The following ATP1A3 variants were observed in gnomAD, a reference collection of about 807,000 sequenced individuals.
ATP1A3 encodes the protein ATPase Na+/K+ transporting subunit alpha 3.
A neutral mutation model predicts 108.8 loss-of-function variants in ATP1A3; 12 were observed. The ratio of observed to expected loss-of-function variants is 0.11; its 90% CI spans 0.07 to 0.18. ATP1A3 has a LOEUF of 0.18. ATP1A3 is among the 10% of genes least tolerant of loss of function. The pLI is 1.00. For missense variants in ATP1A3, 498 were observed against 1,387.7 expected (o/e 0.36, Z 10.19); for synonymous variants, 539 against 564.5 (o/e 0.95, Z 0.64).
chr19:41,991,271 C>A (rs1599728751), intron 1 of ATP1A3, among the ~76,000 whole-genome samples: 1 of 152,140 alleles, frequency 6.6e-6, no homozygotes, highest in African/African-American at 2.4e-5. Context: ...GCTGTCTGCC[C>A]CCAGACCCAG....
At chr19:41,969,055 G>C in intron 19 of ATP1A3, 140 bp from the exon 20 acceptor site, 1 of 1,301,118 alleles carries the variant, frequency 7.7e-7, no homozygotes, top group Non-Finnish European at 1.1e-6. Context: ...TCCTTCTGCG[G>C]GCTCATAGTC....
intron 11 of ATP1A3, among the ~76,000 whole-genome samples, chr19:41,979,843 G>A (rs1258363027): frequency 1.3e-5 from 2 of 152,226 alleles, no homozygotes; most frequent in Admixed American, 6.5e-5. Flanking sequence ...ACGAGCTATG[G>A]TATGTTAATT....
Position 41,976,521 on chromosome 19 carries a change from G to A in ATP1A3, c.1989C>T (p.Phe663=), listed in dbSNP as rs2075172667. 1.9e-6 allele frequency: 3 copies of A among 1,614,100 alleles called. No individual in the cohort carries two copies. The highest frequency in any genetic ancestry group is 2.5e-6 in the Non-Finnish European group (3 of 1,180,054). ...GGATCTCGTCGATTTGCTCGGAGGT[G>A]AAGTCCTTGAGGTCGGTGCCGTGGA... ...CVIHGTDLKD[F]TSEQIDEILQ... is the part of the protein sequence containing the mutation. The change falls in exon 15 of 23, where the codon TTC becomes TTT. Residue 663 remains phenylalanine, a synonymous_variant. Coordinates refer to ENST00000648268, the MANE Select transcript of ATP1A3 (RefSeq NM_152296.5).
intron 8 of ATP1A3, among the ~76,000 whole-genome samples, chr19:41,982,453 C>T (rs138833180): frequency 6.6e-6 from 1 of 152,190 alleles, no homozygotes; most frequent in Admixed American, 6.5e-5. Context: ...TGGTGAAACC[C>T]CATCCCTACT....
intron 16 of ATP1A3, among the ~76,000 whole-genome samples, chr19:41,973,966 C>T (rs2075139730): frequency 6.6e-6 from 1 of 152,158 alleles, no homozygotes. Flanking sequence ...CGAGGTGGCT[C>T]ACCCCTGCAA....
In ATP1A3 at chr19:41,968,365, C is replaced by T. The variant is rs187806405; in HGVS notation, c.2819+420G>A. ...TCTACTAAAAATACGAAAAATTAGC[C>T]GAGCCTGGTGGTGCGTACCTGTAAT... On this transcript the variant is annotated intron_variant, in intron 20 of 22. Coordinates refer to ENST00000648268, the MANE Select transcript of ATP1A3 (RefSeq NM_152296.5). The surrounding 1 kb of genome is among the most constrained non-coding windows in gnomAD (Gnocchi z 5.0). Among the ~76,000 whole-genome samples, 88 of 152,048 alleles carry T rather than the reference C, an allele frequency of 5.8e-4. No homozygotes were observed. The highest frequency in any genetic ancestry group is 1.8e-3 in the African/African-American group (73 of 41,470).
chr19:41,978,631 G>C lies in ATP1A3; in HGVS notation c.1605C>G (p.Leu535=). ...CAAGCACGCGCTCGCCCAGGCCACC[G>C]AGCTCAAGGTAGGCATTCTGGAAGG... ...KEAFQNAYLE[L]GGLGERVLGF... The change falls in exon 12 of 23, where the codon CTC becomes CTG. Residue 535 remains leucine, a synonymous_variant. Coordinates refer to ENST00000648268, the MANE Select transcript of ATP1A3 (RefSeq NM_152296.5). The surrounding 1 kb of genome is among the most constrained non-coding windows in gnomAD (Gnocchi z 8.3). 6.2e-7 allele frequency: 1 copy of C among 1,613,918 alleles called. No individual in the cohort carries two copies. The highest frequency in any genetic ancestry group is 8.5e-7 in the Non-Finnish European group (1 of 1,179,992).
rs1555858825 is a variant in ATP1A3, at chr19:41,967,255, G to A, written c.3007C>T (p.Pro1003Ser). The change falls in exon 22 of 23, where the codon CCA (proline) becomes TCA (serine). Residue 1003 changes from proline to serine, a missense_variant. Pro to Ser is a moderately conservative substitution (Grantham distance 74). Transcript: ENST00000648268. The surrounding 1 kb of genome is among the most constrained non-coding windows in gnomAD (Gnocchi z 4.2). The stretch of plus-strand genomic sequence containing the variant: ...CCTTGCCGAGCTCCCTCACCCCCTG[G>A]GTTCCTGCGCAGGATGAGTTTGCGG... ...EIRKLILRRN[P>S]GGWVEKETYY is the part of the protein sequence containing the mutation. The A allele has an allele frequency of 1.2e-6, 2 of 1,614,058 alleles. No individual in the cohort carries two copies. The highest frequency in any genetic ancestry group is 1.7e-5 in the Admixed American group (1 of 60,024).
intron 1 of ATP1A3, chr19:41,993,340 C>T: frequency 1.3e-6 from 2 of 1,510,402 alleles, no homozygotes; most frequent in East Asian, 4.9e-5. Flanking sequence ...ATGCACGCTC[C>T]CCACTACACA....
chr19:41,993,916 G>T, intron 1 of ATP1A3, 155 bp downstream of exon 1: 2 of 1,408,730 alleles, frequency 1.4e-6, no homozygotes, highest in South Asian at 2.6e-5. Flanking sequence ...GCGGCCCCAC[G>T]ACCACATGGA....
At chr19:41,984,792 C>A in intron 8 of ATP1A3, 126 bp downstream of exon 8, 1 of 1,135,842 alleles carries the variant, frequency 8.8e-7, no homozygotes, top group Non-Finnish European at 1.2e-6. Flanking sequence ...CCCAGACACA[C>A]GGGTCCAGGC....
intron 4 of ATP1A3, among the ~76,000 whole-genome samples, chr19:41,987,255 A>G (rs1388885323): frequency 6.6e-6 from 1 of 152,102 alleles, no homozygotes; most frequent in Admixed American, 6.5e-5. Flanking sequence ...AGATTTGAAC[A>G]TCTGAGGACA....
chr19:41,986,018 T>A lies in ATP1A3; in HGVS notation c.472-20A>T, dbSNP rs1555865286. 6.2e-7 allele frequency: 1 copy of A among 1,614,082 alleles called. No homozygotes were observed. The highest frequency in any genetic ancestry group is 2.2e-5 in the East Asian group (1 of 44,870). ...GGCTTGCTGAGGTGGGATGGAGTAA[T>A]GTCACCTCCCAGACTCCCTCTGCCT... On this transcript the variant is annotated intron_variant, in intron 5 of 22. Coordinates refer to ENST00000648268, the MANE Select transcript of ATP1A3 (RefSeq NM_152296.5).
At chr19:41,975,987 AC>A (rs1212074267) in intron 15 of ATP1A3, among the ~76,000 whole-genome samples, 190 bp from the exon 16 acceptor site, 1 of 127,748 alleles carries the variant, frequency 7.8e-6, no homozygotes, top group Non-Finnish European at 1.7e-5. Flanking sequence ...AGGGGTCCAG[AC>A]CCCCAGACCC....
At chr19:41,992,351 T>A (rs1411766746) in intron 1 of ATP1A3, among the ~76,000 whole-genome samples, 1 of 152,028 alleles carries the variant, frequency 6.6e-6, no homozygotes, top group Non-Finnish European at 1.5e-5. Context: ...CGCTGCGGGG[T>A]GGGAGCACCT....
At position 41,985,534 on chromosome 19, in the gene ATP1A3, G is replaced by A. The variant is rs1042837662; in HGVS notation, c.607-111C>T. 3.8e-5 allele frequency: 43 copies of A among 1,129,038 alleles called. No individual in the cohort carries two copies. The highest frequency in any genetic ancestry group is 4.8e-5 in the Non-Finnish European group (36 of 751,690). The allele number at this position is 1,129,038 out of a possible 1,614,324, so 69.9% of individuals were successfully genotyped here. ...GTGTGCCTGGAGATCACAGCTAGAAGCCTGGGTGCCCAGTGGGTGAGTGGT... is the reference window on the plus strand; with the variant it reads ...GTGTGCCTGGAGATCACAGCTAGAAACCTGGGTGCCCAGTGGGTGAGTGGT... On this transcript the variant is annotated intron_variant, in intron 6 of 22. Transcript: ENST00000648268. The surrounding 1 kb of genome is among the most constrained non-coding windows in gnomAD (Gnocchi z 8.2).
intron 19 of ATP1A3, among the ~76,000 whole-genome samples, 177 bp downstream of exon 19, chr19:41,969,258 C>T (rs1029940825): frequency 2.0e-5 from 3 of 152,130 alleles, no homozygotes; most frequent in South Asian, 2.1e-4. Flanking sequence ...CAGTGGGACA[C>T]AAGGCTCCAG....
At position 41,994,086 on chromosome 19, in the gene ATP1A3, T is replaced by C; in HGVS notation, c.-10A>G. The C allele has an allele frequency of 1.3e-6, 2 of 1,595,624 alleles. No homozygotes were observed. The highest frequency in any genetic ancestry group is 1.4e-5 in the African/African-American group (1 of 72,682). ...CAGCACCTACCCCCATCTTGGCGGC[T>C]CCGCGGCGAGAGAGCCAGGCGGGCG... is the stretch of plus-strand genomic sequence containing the variant. On this transcript the variant is annotated 5_prime_UTR_variant, in exon 1 of 23. Transcript: ENST00000648268.
chr19:41,987,920 G>C lies in ATP1A3; in HGVS notation c.357+16C>G. On this transcript the variant is annotated intron_variant, in intron 4 of 22. Coordinates refer to ENST00000648268, the MANE Select transcript of ATP1A3 (RefSeq NM_152296.5). Reference sequence around the variant, plus strand: ...AATGTGCAGAGCCTTGCACAGGGCAGGGTCCAGGCACTCACGTTGTCACCA... The same window carrying C: ...AATGTGCAGAGCCTTGCACAGGGCACGGTCCAGGCACTCACGTTGTCACCA... 9 of 1,612,676 alleles carry C rather than the reference G, an allele frequency of 5.6e-6. No homozygotes were observed. Among genetic ancestry groups the C allele is most frequent in the Non-Finnish European group, 7.6e-6 (9 of 1,179,822 alleles).
Sources: allele counts gnomAD v4.1 joint callset (sites outside exome capture counted in the v4.1 genomes callset), GRCh38; gene constraint gnomAD v4.1.1; non-coding constraint Gnocchi (gnomAD v3.1); transcripts MANE v1.5; gene names NCBI Gene and HGNC (gene_info 2026-07-23, HGNC 2026-07-21).